Variants in CNIH3 observed in about 807,000 individuals in gnomAD.
The protein encoded by CNIH3 is cornichon family AMPA receptor auxiliary protein 3, also known as protein cornichon homolog 3.
Under a neutral mutation model 24.1 loss-of-function variants are expected in CNIH3, and 14 were observed. The ratio of observed to expected loss-of-function variants is 0.58; its 90% CI spans 0.38 to 0.91. The LOEUF is 0.91. CNIH3 is among the 40% of genes least tolerant of loss of function. The pLI is 0.00. For synonymous variants in CNIH3, 68 were observed against 73.8 expected (o/e 0.92, Z 0.40); for missense variants, 178 against 196.8 (o/e 0.90, Z 0.57).
At chr1:224,627,534 AT>A (rs1376810401) in intron 1 of CNIH3, among the ~76,000 whole-genome samples, 1 of 152,152 alleles carries the variant, frequency 6.6e-6, no homozygotes, top group African/African-American at 2.4e-5. Flanking sequence ...TGTGGGTCTC[AT>A]TCTTTTGAAG....
intron 3 of CNIH3, among the ~76,000 whole-genome samples, chr1:224,562,742 T>C (rs751229017): frequency 2.6e-5 from 4 of 151,994 alleles, no homozygotes; most frequent in Non-Finnish European, 5.9e-5. Flanking sequence ...CCTCACTGTC[T>C]CTCTCTTGCC....
At chr1:224,734,774 C>T in intron 5 of CNIH3, 68 bp downstream of exon 5, 1 of 1,560,732 alleles carries the variant, frequency 6.4e-7, no homozygotes, top group Non-Finnish European at 8.8e-7. Flanking sequence ...AGGCTGGCCT[C>T]TGGGAGGCGT....
intron 5 of CNIH3, chr1:224,583,398 A>G (rs1479284396): frequency 2.0e-5 from 3 of 152,284 alleles, no homozygotes; most frequent in East Asian, 3.8e-4. Context: ...AGAGTGGACC[A>G]GTTTGGCCAC....
chr1:224,619,021 T>C (rs1558218976), intron 1 of CNIH3, among the ~76,000 whole-genome samples: 1 of 152,236 alleles, frequency 6.6e-6, no homozygotes, highest in South Asian at 2.1e-4. Context: ...GGGGAGTTAC[T>C]TGGATTCTAG....
chr1:224,615,260 T>G (rs1248820838), upstream of CNIH3: 1 of 152,116 alleles, frequency 6.6e-6, no homozygotes, highest in Non-Finnish European at 1.5e-5. Flanking sequence ...GTGCGTCTAC[T>G]CTTTCACCGA....
At chr1:224,529,010 G>T (rs2124927668) in intron 2 of CNIH3, among the ~76,000 whole-genome samples, 1 of 152,310 alleles carries the variant, frequency 6.6e-6, no homozygotes, top group Admixed American at 6.5e-5. Context: ...CTGTTTCATG[G>T]ACTGTGTACC....
chr1:224,573,252 A>G (rs894694646), intron 4 of CNIH3, among the ~76,000 whole-genome samples: 55 of 152,156 alleles, frequency 3.6e-4, no homozygotes, highest in African/African-American at 1.3e-3. Context: ...TTGTTTTTCT[A>G]TTCTCTATTT....
At chr1:224,708,237 C>T (rs111375140) in intron 3 of CNIH3, among the ~76,000 whole-genome samples, 2 of 151,670 alleles carry the variant, frequency 1.3e-5, no homozygotes, top group Non-Finnish European at 2.9e-5. Context: ...CTCAGGGCCT[C>T]TCTCCTCTCA....
At chr1:224,599,547 TTATA>T (rs1374844336) in intron 3 of CNIH3, among the ~76,000 whole-genome samples, 1 of 151,760 alleles carries the variant, frequency 6.6e-6, no homozygotes, top group Non-Finnish European at 1.5e-5. Flanking sequence ...CATATTTATA[TTATA>T]TAGATTTATA....
intron 3 of CNIH3, among the ~76,000 whole-genome samples, chr1:224,696,162 A>T (rs1558304087): frequency 6.6e-6 from 1 of 152,214 alleles, no homozygotes. Flanking sequence ...GGCTCCTCCC[A>T]TCTTTGGAGC....
At chr1:224,582,148 G>A (rs181002936) in intron 4 of CNIH3, among the ~76,000 whole-genome samples, 1 of 152,240 alleles carries the variant, frequency 6.6e-6, no homozygotes, top group East Asian at 1.9e-4. Flanking sequence ...CAATTCAGCT[G>A]TTTGGCTTTG....
chr1:224,720,988 C>G (rs1452827444), intron 3 of CNIH3, among the ~76,000 whole-genome samples: 7 of 152,142 alleles, frequency 4.6e-5, no homozygotes, highest in Non-Finnish European at 8.8e-5. Flanking sequence ...CTTTAAATCT[C>G]CACTTGAGAG....
intron 2 of CNIH3, among the ~76,000 whole-genome samples, chr1:224,529,724 G>A (rs1678988435): frequency 6.6e-6 from 1 of 152,190 alleles, no homozygotes; most frequent in Admixed American, 6.5e-5. Context: ...CATGTGAGTG[G>A]GAACTGATAA....
chr1:224,457,250 C>T (rs553896512), intron 1 of CNIH3, among the ~76,000 whole-genome samples: 13 of 148,722 alleles, frequency 8.7e-5, no homozygotes, highest in Non-Finnish European at 8.9e-5. Flanking sequence ...CAAGGATGGC[C>T]GTAGCTGAGC....
At chr1:224,641,186 C>T (rs1684342362) in intron 1 of CNIH3, among the ~76,000 whole-genome samples, 1 of 152,138 alleles carries the variant, frequency 6.6e-6, no homozygotes, top group Non-Finnish European at 1.5e-5. Flanking sequence ...TCGGCACTAC[C>T]CTGCTGCTGC....
chr1:224,567,867 G>A (rs1040293211), intron 4 of CNIH3, among the ~76,000 whole-genome samples: 2 of 152,330 alleles, frequency 1.3e-5, no homozygotes, highest in East Asian at 1.9e-4. Context: ...TCGAGAACCC[G>A]GAGTAGGGGA....
At chr1:224,630,359 G>T (rs1331536162) in intron 1 of CNIH3, among the ~76,000 whole-genome samples, 4 of 152,110 alleles carry the variant, frequency 2.6e-5, no homozygotes, top group African/African-American at 9.7e-5. Context: ...GTTGTTGGGG[G>T]CATGGAAATG....
At chr1:224,564,170 T>C (rs1680488822) in intron 3 of CNIH3, among the ~76,000 whole-genome samples, 1 of 152,220 alleles carries the variant, frequency 6.6e-6, no homozygotes, top group African/African-American at 2.4e-5. Context: ...TTGTAGAATT[T>C]CCTTTTCTAA....
At chr1:224,661,607 TA>T in intron 1 of CNIH3, 1 of 355,302 alleles carries the variant, frequency 2.8e-6, no homozygotes, top group South Asian at 2.8e-5. Context: ...TCATCTACGT[TA>T]TGAAATGTGA....
Sources: allele counts gnomAD v4.1 joint callset (sites outside exome capture counted in the v4.1 genomes callset), GRCh38; gene constraint gnomAD v4.1.1; transcripts MANE v1.5; gene names NCBI Gene and HGNC (gene_info 2026-07-23, HGNC 2026-07-21).